The following SPRING1 variants were observed in gnomAD, a reference collection of about 807,000 sequenced individuals.
The protein encoded by SPRING1 is SREBP regulating gene protein.
Under a neutral mutation model 24.7 loss-of-function variants are expected in SPRING1, and 14 were observed. The ratio of observed to expected loss-of-function variants is 0.57; its 90% CI spans 0.37 to 0.88. SPRING1 has a LOEUF of 0.88. SPRING1 is among the 40% of genes least tolerant of loss of function. The probability of loss-of-function intolerance (pLI) is 0.00; values close to 1 mark genes in which losing one functional copy is unlikely to be tolerated. For synonymous variants in SPRING1, 93 were observed against 106.1 expected, an observed-to-expected ratio of 0.88 and a Z score of 0.76; for missense variants, 255 against 268.4, an observed-to-expected ratio of 0.95 and a Z score of 0.35.
At chr12:116,734,140 C>A (rs1193098059) in intron 1 of SPRING1, among the ~76,000 whole-genome samples, 1 of 152,126 alleles carries the variant, frequency 6.6e-6, no homozygotes, top group Non-Finnish European at 1.5e-5. Flanking sequence ...GACTCCCAAA[C>A]TGCTAGGATT....
intron 1 of SPRING1, among the ~76,000 whole-genome samples, chr12:116,736,039 TAAAAAAA>T (rs34397599): frequency 8.4e-5 from 3 of 35,588 alleles, no homozygotes; most frequent in South Asian, 1.5e-3. Context: ...ACTCAGTCTT[TAAAAAAA>T]AAAAAAAAAA....
chr12:116,731,027 C>A (rs1483576887), intron 1 of SPRING1, among the ~76,000 whole-genome samples: 1 of 152,202 alleles, frequency 6.6e-6, no homozygotes, highest in Non-Finnish European at 1.5e-5. Flanking sequence ...GCTCAATTGC[C>A]AAAGCTCTTC....
At chr12:116,734,168 C>T (rs2137046988) in intron 1 of SPRING1, among the ~76,000 whole-genome samples, 1 of 152,362 alleles carries the variant, frequency 6.6e-6, no homozygotes, top group East Asian at 1.9e-4. Flanking sequence ...TGAGCCATCG[C>T]ACCCAGCCCA....
intron 1 of SPRING1, among the ~76,000 whole-genome samples, chr12:116,725,661 G>C (rs778349023): frequency 1.3e-5 from 2 of 152,136 alleles, no homozygotes; most frequent in African/African-American, 4.8e-5. Context: ...CAAGGCGGGC[G>C]GATCACGAGT....
At chr12:116,719,055 G>C (rs1010442761) in intron 4 of SPRING1, among the ~76,000 whole-genome samples, 2 of 152,188 alleles carry the variant, frequency 1.3e-5, no homozygotes, top group Non-Finnish European at 2.9e-5. Flanking sequence ...AAATCTTAGA[G>C]ACACCATGAA....
In SPRING1 at chr12:116,719,887, A is replaced by G; in HGVS notation, c.421-11T>C. The G allele has an allele frequency of 6.8e-6, 11 of 1,610,160 alleles. No individual in the cohort carries two copies. Among genetic ancestry groups the G allele is most frequent in the Non-Finnish European group, 9.3e-6 (11 of 1,176,678 alleles). Reference sequence around the variant, plus strand: ...CTCCAGGAGAAGTTGCTATGGAAACAAAAGTTAGTGCCTGTAATAAATTAC... The same window carrying G: ...CTCCAGGAGAAGTTGCTATGGAAACGAAAGTTAGTGCCTGTAATAAATTAC... On this transcript the variant is annotated splice_polypyrimidine_tract_variant and intron_variant, in intron 3 of 4. Transcript: ENST00000261318.
chr12:116,730,133 C>T (rs1002503012), intron 1 of SPRING1, among the ~76,000 whole-genome samples: 1 of 152,158 alleles, frequency 6.6e-6, no homozygotes, highest in African/African-American at 2.4e-5. Flanking sequence ...ATCTCCTGAT[C>T]TCATGATCCA....
intron 1 of SPRING1, among the ~76,000 whole-genome samples, chr12:116,734,861 T>C (rs1417916652): frequency 6.6e-6 from 1 of 152,248 alleles, no homozygotes; most frequent in South Asian, 2.1e-4. Context: ...GCAGAGATCC[T>C]GGAAGACAAT....
At position 116,738,035 on chromosome 12, in the gene SPRING1, T is replaced by G. The variant is rs948574438; in HGVS notation, c.-135A>C. 34 of 1,097,252 alleles carry G rather than the reference T, an allele frequency of 3.1e-5. No individual in the cohort carries two copies. The highest frequency in any genetic ancestry group is 4.0e-4 in the Middle Eastern group (1 of 2,492). The allele number at this position is 1,097,252 out of a possible 1,614,324, so 68.0% of individuals were successfully genotyped here. A position where few individuals can be genotyped will look rare whatever the true frequency, so the allele number is the denominator to read the frequency against. ...CGGCCCCGCCGCCCGCAGCCCAGTCTGCTCCCGGCAGCCTTGGGCGCAGCC... is the reference window on the plus strand; with the variant it reads ...CGGCCCCGCCGCCCGCAGCCCAGTCGGCTCCCGGCAGCCTTGGGCGCAGCC... On this transcript the variant is annotated 5_prime_UTR_variant, in exon 1 of 5. Transcript: ENST00000261318.
Position 116,721,554 on chromosome 12 carries a change from G to C in SPRING1, c.269-1107C>G, listed in dbSNP as rs79161883. 2.3e-3 allele frequency among the ~76,000 whole-genome samples: 349 copies of C among 152,278 alleles called. 8 individuals carry two copies. The East Asian group carries it at 0.055, about 24-fold the overall frequency. Reference sequence around the variant, plus strand: ...GGCAAATGAGGTCTATAGAGAACTGGGTTCCAGATACTTGGGAATCGGTGC... The same window carrying C: ...GGCAAATGAGGTCTATAGAGAACTGCGTTCCAGATACTTGGGAATCGGTGC... On this transcript the variant is annotated intron_variant, in intron 2 of 4. Coordinates refer to ENST00000261318, the MANE Select transcript of SPRING1 (RefSeq NM_024738.4).
chr12:116,716,451 GAGGTTCGT>G lies in SPRING1; in HGVS notation c.*1351_*1358del, dbSNP rs1429474938. On this transcript the variant is annotated 3_prime_UTR_variant, in exon 5 of 5. Transcript: ENST00000261318. ...AATTACAAAGACCTTGCTCAATCCT[GAGGTTCGT>G]GAGGAATATAGGAGAGTTGTGTGTT... is the stretch of plus-strand genomic sequence containing the variant. 1 of 152,626 alleles carries G rather than the reference GAGGTTCGT, an allele frequency of 6.6e-6. No homozygotes were observed. The highest frequency in any genetic ancestry group is 2.4e-5 in the African/African-American group (1 of 41,456). 9.5% of individuals were successfully genotyped at this position (152,626 alleles called of 1,614,324 possible). A position where few individuals can be genotyped will look rare whatever the true frequency, so the allele number is the denominator to read the frequency against.
intron 3 of SPRING1, 68 bp from the exon 4 acceptor site, chr12:116,719,944 C>T (rs1487014753): frequency 4.5e-6 from 6 of 1,338,594 alleles, no homozygotes; most frequent in Non-Finnish European, 6.4e-6. Context: ...TTGGCTATCT[C>T]TCCTAAACTA....
intron 1 of SPRING1, among the ~76,000 whole-genome samples, chr12:116,723,709 G>A (rs1054830132): frequency 2.6e-5 from 4 of 152,182 alleles, no homozygotes; most frequent in African/African-American, 9.7e-5. Context: ...CAGGTACTTT[G>A]GGTGGAAGAC....
At chr12:116,737,035 C>G (rs1029588292) in intron 1 of SPRING1, among the ~76,000 whole-genome samples, 1 of 152,210 alleles carries the variant, frequency 6.6e-6, no homozygotes, top group Non-Finnish European at 1.5e-5. Context: ...GAAGATGAAG[C>G]CAGCAAATGC....
In SPRING1 at chr12:116,728,646, C is replaced by A. The variant is rs762369985; in HGVS notation, c.112-5423G>T. Reference sequence around the variant, plus strand: ...CCATGAGTTTCCAGTCTCACCGCAGCGGAGCTAAGGTGCACGGGGAGCTTC... The same window carrying A: ...CCATGAGTTTCCAGTCTCACCGCAGAGGAGCTAAGGTGCACGGGGAGCTTC... On this transcript the variant is annotated intron_variant, in intron 1 of 4. Coordinates refer to ENST00000261318, the MANE Select transcript of SPRING1 (RefSeq NM_024738.4). This position sits in a 1 kb window ranked among gnomAD's most constrained non-coding sequence, Gnocchi z 4.2. Among the ~76,000 whole-genome samples the A allele has an allele frequency of 2.0e-5, 3 of 152,254 alleles. No homozygotes were observed. Among genetic ancestry groups the A allele is most frequent in the Non-Finnish European group, 2.9e-5 (2 of 68,046 alleles).
rs964191668 is a variant in SPRING1, at chr12:116,720,675, G to A, written c.269-228C>T. ...CCCTGTTATCGCCAGGCTACACGTC[G>A]GAACCTACCTACACCTACTGTTTAG... On this transcript the variant is annotated intron_variant, in intron 2 of 4. Coordinates refer to ENST00000261318, the MANE Select transcript of SPRING1 (RefSeq NM_024738.4). This position sits in a 1 kb window ranked among gnomAD's most constrained non-coding sequence, Gnocchi z 4.0. Among the ~76,000 whole-genome samples, 6 of 152,090 alleles carry A rather than the reference G, an allele frequency of 3.9e-5. No individual in the cohort carries two copies. The highest frequency in any genetic ancestry group is 7.2e-5 in the African/African-American group (3 of 41,402).
chr12:116,717,890 C>A lies in SPRING1; in HGVS notation c.538G>T (p.Val180Leu), dbSNP rs780627404. The stretch of plus-strand genomic sequence containing the variant: ...TCCCGGTAGGTGTTCTCATGCTGCA[C>A]GCTCTGTTGGCAAAAGGAAAATAAG... ...LAKCRTSSQS[V>L]QHENTYRDPI... Residue 180 changes from valine to leucine, a missense_variant, in exon 5 of 5, where the codon GTG becomes TTG. By Grantham distance (32) the Val-to-Leu change is conservative. Transcript: ENST00000261318. The surrounding 1 kb of genome is among the most constrained non-coding windows in gnomAD (Gnocchi z 4.2). 4 of 1,601,388 alleles carry A rather than the reference C, an allele frequency of 2.5e-6. No individual in the cohort carries two copies. Among genetic ancestry groups the A allele is most frequent in the Non-Finnish European group, 3.4e-6 (4 of 1,172,326 alleles).
chr12:116,717,604 C>G lies in SPRING1; in HGVS notation c.*206G>C. The G allele has an allele frequency of 2.1e-6, 1 of 480,264 alleles. No individual in the cohort carries two copies. The highest frequency in any genetic ancestry group is 3.1e-5 in the South Asian group (1 of 32,522). 29.8% of individuals were successfully genotyped at this position (480,264 alleles called of 1,614,324 possible). ...AATGGGACTGGCTGGAGGGGCCAAG[C>G]TGCTTTACAGAAGAGTTCCATCTGG... On this transcript the variant is annotated 3_prime_UTR_variant, in exon 5 of 5. Coordinates refer to ENST00000261318, the MANE Select transcript of SPRING1 (RefSeq NM_024738.4). This position sits in a 1 kb window ranked among gnomAD's most constrained non-coding sequence, Gnocchi z 4.2.
chr12:116,730,344 C>T (rs956895673), intron 1 of SPRING1, among the ~76,000 whole-genome samples: 9 of 152,072 alleles, frequency 5.9e-5, no homozygotes, highest in African/African-American at 2.2e-4. Flanking sequence ...GCTGGGATTA[C>T]AGGCACCTGC....
Sources: gnomAD v4.1 joint callset for allele counts (sites outside exome capture counted in the v4.1 genomes callset) on GRCh38, gnomAD v4.1.1 for gene constraint, Gnocchi (gnomAD v3.1) non-coding constraint, MANE v1.5 for transcripts, NCBI Gene and HGNC (gene_info 2026-07-23, HGNC 2026-07-21) for gene names.